The following DDB1 variants were observed in gnomAD, a reference collection of about 807,000 sequenced individuals.
The protein encoded by DDB1 is damage specific DNA binding protein 1.
A neutral mutation model predicts 133.1 loss-of-function variants in DDB1; 18 were observed. The ratio of observed to expected loss-of-function variants is 0.14; its 90% confidence interval spans 0.09 to 0.20. The LOEUF (loss-of-function observed/expected upper bound fraction) is 0.20, where lower values mean the gene tolerates loss of function less well. Among genes scored for constraint, DDB1 ranks in the 10% least tolerant of loss-of-function variants. DDB1 has a pLI of 1.00. For missense variants in DDB1, 828 were observed against 1,459.2 expected (o/e 0.57, Z 7.05); for synonymous variants, 580 against 550.5 (o/e 1.05, Z -0.75).
intron 21 of DDB1, among the ~76,000 whole-genome samples, chr11:61,306,754 T>C (rs770675484): frequency 1.3e-5 from 2 of 152,148 alleles, no homozygotes; most frequent in Non-Finnish European, 2.9e-5. Flanking sequence ...CCCTCTCCCC[T>C]TTCTCATGCT....
chr11:61,329,710 C>T (rs1856333915), intron 3 of DDB1, 126 bp from the exon 4 acceptor site: 12 of 883,910 alleles, frequency 1.4e-5, no homozygotes, highest in Non-Finnish European at 2.0e-5. Flanking sequence ...TTTGATAGGC[C>T]AAATAGTTGG....
chr11:61,329,583 T>A lies in DDB1; in HGVS notation c.329A>T (p.Asp110Val). ...IITRAHGNVQ[D>V]RIGRPSETGI... ...GGTCTCTGAGGGGCGGCCAATGCGG[T>A]CCTGAGAAACAAAATCGGGATTAGG... The change falls in exon 4 of 27, where the codon GAC becomes GTC. Residue 110 changes from aspartate to valine, a missense_variant and splice_region_variant. This residue lies in a region of DDB1 where 210 missense variants were observed against 344.8 expected (regional missense o/e 0.61). Transcript: ENST00000301764. The A allele has an allele frequency of 6.2e-7, 1 of 1,607,748 alleles. No homozygotes were observed. The highest frequency in any genetic ancestry group is 8.5e-7 in the Non-Finnish European group (1 of 1,176,662).
chr11:61,315,411 T>C (rs181083415), intron 12 of DDB1: 3 of 152,292 alleles, frequency 2.0e-5, no homozygotes, highest in Admixed American at 6.5e-5. Flanking sequence ...TTCAGGCCAA[T>C]AGTTAGATAA....
chr11:61,308,908 G>T, intron 21 of DDB1, 75 bp downstream of exon 21: 1 of 1,446,680 alleles, frequency 6.9e-7, no homozygotes, highest in Non-Finnish European at 9.7e-7. Context: ...CGTGGCCCCA[G>T]ACAACCTAAG....
intron 21 of DDB1, among the ~76,000 whole-genome samples, chr11:61,307,703 A>G (rs1855899983): frequency 6.6e-6 from 1 of 152,172 alleles, no homozygotes; most frequent in African/African-American, 2.4e-5. Flanking sequence ...ATTGTTATCT[A>G]GTGAACATCT....
intron 4 of DDB1, 159 bp downstream of exon 4, chr11:61,329,203 CG>C: frequency 1.5e-6 from 1 of 663,710 alleles, no homozygotes; most frequent in Non-Finnish European, 2.6e-6. Context: ...CAAGAAGCAA[CG>C]AAAGTCTGAC....
chr11:61,325,644 G>A lies in DDB1; in HGVS notation c.729C>T (p.Asp243=), dbSNP rs763563258. 12 of 1,613,836 alleles carry A rather than the reference G, an allele frequency of 7.4e-6. No homozygotes were observed. In the Admixed American group the frequency reaches 2.0e-4, roughly 27 times the overall value. The stretch of plus-strand genomic sequence containing the variant: ...TAGGAGGGGCAATAGCCAGGTATTT[G>A]TCACCATTGTGATAGGTGATTGACT... The part of the protein sequence containing the change: ...GQESITYHNG[D]KYLAIAPPII... Residue 243 remains aspartate, a synonymous_variant, in exon 6 of 27, where the codon GAC becomes GAT. Coordinates refer to ENST00000301764, the MANE Select transcript of DDB1 (RefSeq NM_001923.5).
At chr11:61,326,673 T>A (rs1436893006) in intron 5 of DDB1, 106 bp downstream of exon 5, 9 of 870,228 alleles carry the variant, frequency 1.0e-5, no homozygotes, top group Non-Finnish European at 1.8e-5. Context: ...ACACCTTCAA[T>A]AATACCGAGC....
At chr11:61,304,800 T>C (rs976007009) in intron 21 of DDB1, among the ~76,000 whole-genome samples, 1 of 149,058 alleles carries the variant, frequency 6.7e-6, no homozygotes, top group African/African-American at 2.5e-5. Flanking sequence ...ATGGTGCGAA[T>C]CTGGGAGGCG....
intron 5 of DDB1, among the ~76,000 whole-genome samples, chr11:61,326,533 T>G: frequency 6.6e-6 from 1 of 152,134 alleles, no homozygotes; most frequent in East Asian, 1.9e-4. Context: ...TGTTTTATAG[T>G]CAATCCCTCC....
In DDB1 at chr11:61,310,355, A is replaced by T; in HGVS notation, c.2341T>A (p.Ser781Thr). The change falls in exon 19 of 27, where the codon TCC becomes ACC. Residue 781 changes from serine to threonine, a missense_variant. Coordinates refer to ENST00000301764, the MANE Select transcript of DDB1 (RefSeq NM_001923.5). ...TGCACCTCCACCTCTTCTCCAAAGG[A>T]GGTCTCATGAGGAGCAGTGCTGCTG... ...FSSSTAPHET[S>T]FGEEVEVHNL... 6.2e-7 allele frequency: 1 copy of T among 1,613,194 alleles called. No individual in the cohort carries two copies.
Position 61,316,942 on chromosome 11 carries a change from GATAGATAT to G in DDB1, c.1226-383_1226-376del, listed in dbSNP as rs1455051019. 5.2e-3 allele frequency among the ~76,000 whole-genome samples: 142 copies of G among 27,058 alleles called. 19 individuals are homozygous for G. The highest frequency in any genetic ancestry group is 8.7e-3 in the African/African-American group (91 of 10,412). 17.8% of individuals were successfully genotyped at this position (27,058 alleles called of 152,430 possible). ...CTCAAAAAAAAAAAAAAAAAAAAAG[GATAGATAT>G]ATATATATATATATATATATATATA... On this transcript the variant is annotated intron_variant, in intron 10 of 26. Coordinates refer to ENST00000301764, the MANE Select transcript of DDB1 (RefSeq NM_001923.5).
chr11:61,325,631 T>C lies in DDB1; in HGVS notation c.742A>G (p.Ile248Val), dbSNP rs768307001. 1.2e-6 allele frequency: 2 copies of C among 1,613,850 alleles called. No individual in the cohort carries two copies. Among genetic ancestry groups the C allele is most frequent in the Non-Finnish European group, 1.7e-6 (2 of 1,179,912 alleles). Reference sequence around the variant, plus strand: ...CTCACCTTGATGATAGGAGGGGCAATAGCCAGGTATTTGTCACCATTGTGA... The same window carrying C: ...CTCACCTTGATGATAGGAGGGGCAACAGCCAGGTATTTGTCACCATTGTGA... ...TYHNGDKYLA[I>V]APPIIKQSTI... Residue 248 changes from isoleucine (I) to valine (V), a missense_variant, in exon 6 of 27, where the codon ATT (isoleucine) becomes GTT (valine). Physicochemically the swap from Ile to Val is conservative, Grantham distance 29. Coordinates refer to ENST00000301764, the MANE Select transcript of DDB1 (RefSeq NM_001923.5).
Position 61,302,693 on chromosome 11 carries a change from C to T in DDB1, c.3001G>A (p.Gly1001Ser), listed in dbSNP as rs1242828524. 6.2e-7 allele frequency: 1 copy of T among 1,614,086 alleles called. No individual in the cohort carries two copies. The highest frequency in any genetic ancestry group is 8.5e-7 in the Non-Finnish European group (1 of 1,180,048). Residue 1001 changes from glycine (G) to serine (S), a missense_variant, in exon 24 of 27, where the codon GGC becomes AGC. Physicochemically the swap from Gly to Ser is moderately conservative, Grantham distance 56. Transcript: ENST00000301764. ...HLQEVGLFHL[G>S]EFVNVFCHGS... ...TGGCAAAAGACATTGACAAACTCGC[C>T]CAGGTGGAAAAGACCAACCTCCTGG...
intron 10 of DDB1, among the ~76,000 whole-genome samples, chr11:61,317,039 G>A (rs1188685358): frequency 3.1e-5 from 4 of 128,554 alleles, no homozygotes; most frequent in African/African-American, 1.1e-4. Context: ...CTGGAACATG[G>A]AGTCCTGAGC....
rs1856439337 is a variant in DDB1 at position 61,333,093 on chromosome 11, C to G, written c.-125G>C. On this transcript the variant is annotated 5_prime_UTR_variant, in exon 1 of 27. Coordinates refer to ENST00000301764, the MANE Select transcript of DDB1 (RefSeq NM_001923.5). ...ACTGCCGCTGCCTCCGCCCCAGAGA[C>G]ACGTTGCAGGCCAGAGCGGCCGGGG... 2.1e-6 allele frequency: 2 copies of G among 931,404 alleles called. No homozygotes were observed. The highest frequency in any genetic ancestry group is 4.5e-5 in the South Asian group (2 of 44,026). The allele number at this position is 931,404 out of a possible 1,614,324, so 57.7% of individuals were successfully genotyped here.
At position 61,322,182 on chromosome 11, in the gene DDB1, A is replaced by AG; in HGVS notation, c.1122+113dup. The stretch of plus-strand genomic sequence containing the variant: ...TATCCTTATATCACTGGGATTCATG[A>AG]GGGGGCTCTTAAAAGTATTTTCAGT... On this transcript the variant is annotated intron_variant, in intron 9 of 26. Transcript: ENST00000301764. The AG allele has an allele frequency of 7.2e-6, 6 of 829,998 alleles. No individual in the cohort carries two copies. The Admixed American group carries it at 1.2e-4, about 17-fold the overall frequency. 51.4% of individuals were successfully genotyped at this position (829,998 alleles called of 1,614,324 possible).
chr11:61,316,693 A>G, intron 10 of DDB1, 126 bp from the exon 11 acceptor site: 2 of 990,124 alleles, frequency 2.0e-6, no homozygotes, highest in South Asian at 2.7e-5. Flanking sequence ...AGGCAGAGGC[A>G]GGAGGACTGC....
rs1172118806 is a variant in DDB1 at position 61,312,083 on chromosome 11, G to A, written c.2071C>T (p.Leu691=). The change falls in exon 17 of 27, where the codon CTG becomes TTG. Residue 691 remains leucine, a splice_region_variant and synonymous_variant. Coordinates refer to ENST00000301764, the MANE Select transcript of DDB1 (RefSeq NM_001923.5). ...AGGGTGCTATTGTTGGCCAGCGCCA[G>A]GCTGGAAAGAAGGGTCTGGGTTTAG... ...PLNSDGYPDS[L]ALANNSTLTI... The A allele has an allele frequency of 8.1e-6, 13 of 1,614,094 alleles. No homozygotes were observed. Among genetic ancestry groups the A allele is most frequent in the Non-Finnish European group, 1.1e-5 (13 of 1,180,040 alleles).
Sources: allele counts gnomAD v4.1 joint callset (sites outside exome capture counted in the v4.1 genomes callset), GRCh38; gene constraint gnomAD v4.1.1; regional missense constraint gnomAD v4.1.1; transcripts MANE v1.5; gene names NCBI Gene and HGNC (gene_info 2026-07-23, HGNC 2026-07-21).